Variants in SLCO3A1 observed in about 807,000 individuals in gnomAD.
SLCO3A1 encodes the protein solute carrier organic anion transporter family member 3A1, also known as PGE1 transporter.
In SLCO3A1, 27 loss-of-function variants were observed where a neutral mutation model predicts 63.1. The observed-to-expected ratio is 0.43, with a 90% CI of 0.32 to 0.59. The LOEUF (loss-of-function observed/expected upper bound fraction) is 0.59, where lower values mean the gene tolerates loss of function less well. SLCO3A1 is among the 20% of genes least tolerant of loss of function. SLCO3A1 has a pLI of 0.09. For synonymous variants in SLCO3A1, 473 were observed against 409.9 expected (o/e 1.15, Z -1.86); for missense variants, 773 against 945.8 (o/e 0.82, Z 2.40).
chr15:92,023,681 C>T (rs759885631), intron 2 of SLCO3A1, among the ~76,000 whole-genome samples: 92 of 152,260 alleles, frequency 6.0e-4, no homozygotes, highest in Non-Finnish European at 1.1e-3. Flanking sequence ...GTTGCCCAGG[C>T]TGATCTTGAA....
intron 1 of SLCO3A1, among the ~76,000 whole-genome samples, chr15:91,895,188 T>G (rs1897973537): frequency 6.6e-6 from 1 of 152,178 alleles, no homozygotes. Context: ...GCAGTGTGAC[T>G]CCCTGTGTGT....
At chr15:92,117,022 AT>A (rs1297848263) in intron 4 of SLCO3A1, among the ~76,000 whole-genome samples, 1 of 152,270 alleles carries the variant, frequency 6.6e-6, no homozygotes, top group African/African-American at 2.4e-5. Flanking sequence ...GTTATTAGAT[AT>A]TAAGACAAAA....
At chr15:91,876,592 A>G (rs1897403886) in intron 1 of SLCO3A1, among the ~76,000 whole-genome samples, 1 of 152,224 alleles carries the variant, frequency 6.6e-6, no homozygotes, top group Middle Eastern at 3.2e-3. Context: ...CAAGCTACCT[A>G]GAGCTGGAGG....
chr15:91,910,725 A>G (rs1039045613), intron 1 of SLCO3A1, among the ~76,000 whole-genome samples: 1 of 152,214 alleles, frequency 6.6e-6, no homozygotes, highest in Non-Finnish European at 1.5e-5. Context: ...ACATCCATGC[A>G]TGCACAACCT....
chr15:91,928,705 G>A (rs1227511801), intron 2 of SLCO3A1, among the ~76,000 whole-genome samples: 1 of 152,134 alleles, frequency 6.6e-6, no homozygotes, highest in Admixed American at 6.6e-5. Context: ...ACGTCTGATG[G>A]GTCTGGGGTA....
chr15:92,018,422 T>G (rs912976966), intron 2 of SLCO3A1, among the ~76,000 whole-genome samples: 8 of 152,094 alleles, frequency 5.3e-5, no homozygotes, highest in African/African-American at 1.9e-4. Flanking sequence ...TGGTGCTCCC[T>G]CCCTCCTAAC....
In SLCO3A1 at chr15:92,047,590, TATA is replaced by T. The variant is rs1567088068; in HGVS notation, c.647-47287_647-47285del. Among the ~76,000 whole-genome samples, 5 of 9,010 alleles carry T rather than the reference TATA, an allele frequency of 5.5e-4. 1 individual carries two copies. The highest frequency in any genetic ancestry group is 1.2e-3 in the African/African-American group (5 of 4,222). 5.9% of individuals were successfully genotyped at this position (9,010 alleles called of 152,430 possible). A position where few individuals can be genotyped will look rare whatever the true frequency, so the allele number is the denominator to read the frequency against. ...TATATAAATATATATATAATATATA[TATA>T]ATATATAATATATATATAATATATA... is the stretch of plus-strand genomic sequence containing the variant. On this transcript the variant is annotated intron_variant, in intron 2 of 9. Transcript: ENST00000318445.
At chr15:92,157,647 GTTATTATTCACTGAATCACA>G (rs1354277743) in intron 9 of SLCO3A1, among the ~76,000 whole-genome samples, 1 of 152,048 alleles carries the variant, frequency 6.6e-6, no homozygotes, top group Non-Finnish European at 1.5e-5. Context: ...GCCAGTGGGG[GTTATTATTCACTGAATCACA>G]GCTTGAAAGG....
chr15:92,054,115 T>G (rs12591928), intron 2 of SLCO3A1, among the ~76,000 whole-genome samples: 1,670 of 152,340 alleles, frequency 0.011, 62 homozygotes, highest in East Asian at 0.1. Context: ...GTTTTGTTCC[T>G]CAAGGCATTC....
intron 2 of SLCO3A1, among the ~76,000 whole-genome samples, chr15:91,931,049 T>C (rs6496872): frequency 0.68 from 103,558 of 151,674 alleles, 35,578 homozygotes; most frequent in East Asian, 0.91. Context: ...TTTATAGATG[T>C]GGAGCTGGAA....
At chr15:92,153,928 G>A (rs1355609874) in intron 9 of SLCO3A1, among the ~76,000 whole-genome samples, 4 of 152,196 alleles carry the variant, frequency 2.6e-5, no homozygotes, top group Admixed American at 6.5e-5. Context: ...AAGGGCTTCT[G>A]CCCTGTTGCT....
chr15:92,017,893 C>G (rs2046457462), intron 2 of SLCO3A1, among the ~76,000 whole-genome samples: 1 of 152,222 alleles, frequency 6.6e-6, no homozygotes, highest in Admixed American at 6.5e-5. Flanking sequence ...ATCACACTAG[C>G]ACACTAGCCC....
At chr15:92,055,707 C>T (rs1398425699) in intron 2 of SLCO3A1, among the ~76,000 whole-genome samples, 3 of 152,192 alleles carry the variant, frequency 2.0e-5, no homozygotes, top group Admixed American at 1.3e-4. Context: ...GCTCTCTGCA[C>T]TCATCACCCC....
chr15:92,035,238 A>T (rs1029795104), intron 2 of SLCO3A1, among the ~76,000 whole-genome samples: 4 of 151,776 alleles, frequency 2.6e-5, no homozygotes, highest in Admixed American at 1.3e-4. Context: ...ACAGGTTGGT[A>T]ATGACCCCAA....
chr15:91,869,296 G>A (rs1897238662), intron 1 of SLCO3A1, among the ~76,000 whole-genome samples: 1 of 152,116 alleles, frequency 6.6e-6, no homozygotes, highest in South Asian at 2.1e-4. Flanking sequence ...AGCACTTTGG[G>A]AGGCCGAGGT....
chr15:92,006,562 C>T (rs1387567210), intron 2 of SLCO3A1, among the ~76,000 whole-genome samples: 1 of 152,150 alleles, frequency 6.6e-6, no homozygotes, highest in Non-Finnish European at 1.5e-5. Flanking sequence ...ATATGTCTGC[C>T]TGATCCAGCC....
chr15:92,035,191 C>T (rs2046709395), intron 2 of SLCO3A1, among the ~76,000 whole-genome samples: 1 of 151,814 alleles, frequency 6.6e-6, no homozygotes, highest in South Asian at 2.1e-4. Context: ...CAGGTGGCCT[C>T]ATGAGTTCTC....
intron 1 of SLCO3A1, among the ~76,000 whole-genome samples, chr15:91,878,855 A>AT (rs1435011233): frequency 7.2e-5 from 11 of 152,180 alleles, no homozygotes; most frequent in African/African-American, 2.6e-4. Flanking sequence ...AGATTTTATA[A>AT]TTTTTTTCTT....
At chr15:91,984,430 A>G (rs566649380) in intron 2 of SLCO3A1, among the ~76,000 whole-genome samples, 39 of 152,308 alleles carry the variant, frequency 2.6e-4, no homozygotes, top group African/African-American at 9.4e-4. Flanking sequence ...ATACCCTTGA[A>G]CCTTTTTCCT....
Sources: allele counts gnomAD v4.1 joint callset (sites outside exome capture counted in the v4.1 genomes callset), GRCh38; gene constraint gnomAD v4.1.1; transcripts MANE v1.5; gene names NCBI Gene and HGNC (gene_info 2026-07-23, HGNC 2026-07-21).